SGCD: variants seen among roughly 807,000 people sequenced by gnomAD.
SGCD encodes sarcoglycan delta, also known as delta-sarcoglycan.
SGCD carries 18 observed loss-of-function variants against 36.6 expected under a neutral mutation model. That is an observed-to-expected ratio of 0.49 (90% confidence interval 0.34 to 0.73). The LOEUF is 0.73. SGCD is among the 30% of genes least tolerant of loss of function. SGCD has a pLI of 0.01. For missense variants in SGCD, 387 were observed against 346.7 expected (o/e 1.12, Z -0.92); for synonymous variants, 133 against 130.6 (o/e 1.02, Z -0.12).
intron 3 of SGCD, among the ~76,000 whole-genome samples, chr5:156,295,400 AC>A (rs1176552860): frequency 6.6e-6 from 1 of 151,966 alleles, no homozygotes; most frequent in Non-Finnish European, 1.5e-5. Context: ...TTTTTGAAGA[AC>A]CATCTCTTGA....
chr5:156,572,272 A>G (rs1411213681), intron 4 of SGCD, among the ~76,000 whole-genome samples: 3 of 152,206 alleles, frequency 2.0e-5, no homozygotes, highest in African/African-American at 4.8e-5. Context: ...TTAGGAGTAG[A>G]GTTGCTGAGT....
At chr5:156,370,212 CTGGT>C (rs1770309003) in intron 3 of SGCD, among the ~76,000 whole-genome samples, 1 of 152,058 alleles carries the variant, frequency 6.6e-6, no homozygotes, top group African/African-American at 2.4e-5. Flanking sequence ...AGGGAGACCT[CTGGT>C]TGGCAATGAC....
chr5:156,532,024 C>T (rs1475554340), intron 4 of SGCD, among the ~76,000 whole-genome samples: 3 of 152,012 alleles, frequency 2.0e-5, no homozygotes, highest in Admixed American at 6.6e-5. Context: ...GCAGGAGAAT[C>T]GCTTGAACCC....
chr5:156,193,869 T>C (rs1763956282), intron 3 of SGCD, among the ~76,000 whole-genome samples: 1 of 152,218 alleles, frequency 6.6e-6, no homozygotes, highest in Admixed American at 6.5e-5. Flanking sequence ...TTGATTCTGA[T>C]GGCTGCATGA....
chr5:156,304,819 G>A (rs1348192745), intron 3 of SGCD, among the ~76,000 whole-genome samples: 1 of 152,162 alleles, frequency 6.6e-6, no homozygotes, highest in Non-Finnish European at 1.5e-5. Flanking sequence ...GGTCTCAGAT[G>A]GAGATGAGGC....
chr5:155,804,230 T>C, the SGCD span, among the ~76,000 whole-genome samples: 10 of 152,188 alleles, frequency 6.6e-5, no homozygotes, highest in African/African-American at 2.4e-4. Flanking sequence ...CATACACACA[T>C]TATCTCATTT....
intron 1 of SGCD, among the ~76,000 whole-genome samples, chr5:155,934,823 A>G (rs1326273756): frequency 1.3e-5 from 2 of 152,176 alleles, no homozygotes; most frequent in Non-Finnish European, 2.9e-5. Flanking sequence ...CAGTCTGCCC[A>G]TTGGTTGTAC....
chr5:156,361,145 A>G (rs1769770419), intron 3 of SGCD, among the ~76,000 whole-genome samples: 1 of 152,240 alleles, frequency 6.6e-6, no homozygotes, highest in Non-Finnish European at 1.5e-5. Flanking sequence ...TGGAGCGCCC[A>G]ACAAGATCCT....
chr5:155,932,534 T>C (rs919772492), intron 1 of SGCD, among the ~76,000 whole-genome samples: 58 of 152,214 alleles, frequency 3.8e-4, no homozygotes, highest in African/African-American at 1.3e-3. Context: ...TTTTAGTTCA[T>C]AGATACTTTG....
At chr5:156,229,297 T>TATATATATATATATATATATATATATAA (rs1554085621) in intron 3 of SGCD, among the ~76,000 whole-genome samples, 1 of 119,880 alleles carries the variant, frequency 8.3e-6, no homozygotes, top group Non-Finnish European at 1.7e-5. Flanking sequence ...TATATATATA[T>TATATATATATATATATATATATATATAA]ATAAAATTAG....
At chr5:156,278,893 A>G (rs1396830396) in intron 3 of SGCD, among the ~76,000 whole-genome samples, 1 of 152,152 alleles carries the variant, frequency 6.6e-6, no homozygotes, top group Non-Finnish European at 1.5e-5. Flanking sequence ...ATTATCAAGT[A>G]TTTCTATTCC....
At chr5:155,825,091 A>T in the SGCD span, among the ~76,000 whole-genome samples, 1 of 152,188 alleles carries the variant, frequency 6.6e-6, no homozygotes, top group Non-Finnish European at 1.5e-5. Context: ...TCATCAAAGA[A>T]AGCTGATGTT....
At chr5:156,152,743 GCTCACATTATATTTCC>G (rs1762861539) in intron 3 of SGCD, among the ~76,000 whole-genome samples, 1 of 151,448 alleles carries the variant, frequency 6.6e-6, no homozygotes, top group African/African-American at 2.4e-5. Context: ...AAAAAATGTG[GCTCACATTATATTTCC>G]ATTGGATAGC....
intron 6 of SGCD, among the ~76,000 whole-genome samples, chr5:156,627,618 G>A (rs935726628): frequency 2.0e-5 from 3 of 152,110 alleles, no homozygotes; most frequent in African/African-American, 7.2e-5. Context: ...TTAGGTTGGT[G>A]GTGGATGATG....
intron 3 of SGCD, among the ~76,000 whole-genome samples, chr5:156,392,396 G>T (rs1771622481): frequency 2.0e-5 from 3 of 152,198 alleles, no homozygotes; most frequent in Admixed American, 6.5e-5. Context: ...CGTTCCATGA[G>T]GGTGTGGCTT....
rs550249972 is a variant in SGCD at position 156,588,135 on chromosome 5, T to TA, written c.295-1095dup. Among the ~76,000 whole-genome samples the TA allele has an allele frequency of 3.1e-3, 471 of 152,058 alleles. 2 individuals carry two copies. Among genetic ancestry groups the TA allele is most frequent in the African/African-American group, 9.8e-3 (408 of 41,490 alleles). ...AGATTCATCCTTTAATTTATGGCTT[T>TA]AGTTTCCTCTAAGAAAATGACAACT... On this transcript the variant is annotated intron_variant, in intron 4 of 8. Coordinates refer to ENST00000337851, the MANE Select transcript of SGCD (RefSeq NM_000337.6).
At chr5:155,784,283 A>G in the SGCD span, among the ~76,000 whole-genome samples, 1 of 152,122 alleles carries the variant, frequency 6.6e-6, no homozygotes, top group Non-Finnish European at 1.5e-5. Context: ...GGAAATAGAC[A>G]GGGCATGTCT....
At chr5:156,132,630 G>A (rs533555151) in intron 3 of SGCD, among the ~76,000 whole-genome samples, 9 of 150,880 alleles carry the variant, frequency 6.0e-5, no homozygotes, top group Admixed American at 4.6e-4. Flanking sequence ...CACCACGCCC[G>A]GCTAATTTTT....
At chr5:155,728,750 C>G in the SGCD span, among the ~76,000 whole-genome samples, 2 of 152,130 alleles carry the variant, frequency 1.3e-5, no homozygotes, top group South Asian at 4.1e-4. Context: ...CCGCCAACTT[C>G]CCTGTGAGCC....
Sources: gnomAD v4.1 joint callset for allele counts (sites outside exome capture counted in the v4.1 genomes callset) on GRCh38, gnomAD v4.1.1 for gene constraint, MANE v1.5 for transcripts, NCBI Gene and HGNC (gene_info 2026-07-23, HGNC 2026-07-21) for gene names.